Variants in SNX10 observed in about 807,000 individuals in gnomAD.
SNX10 encodes the protein sorting nexin-10.
In SNX10, 25 loss-of-function variants were observed where a neutral mutation model predicts 28.5. That is an observed-to-expected ratio of 0.88 (90% CI 0.64 to 1.22). The LOEUF is 1.22. SNX10 is among the 50% of genes most tolerant of loss of function. The pLI is 0.00. For missense variants in SNX10, 223 were observed against 242.6 expected (o/e 0.92, Z 0.54); for synonymous variants, 62 against 81.4 (o/e 0.76, Z 1.28).
rs147922524 is a variant in SNX10, at chr7:26,324,320, G to C, written c.-23-22100G>C. Among the ~76,000 whole-genome samples the C allele has an allele frequency of 2.0e-3, 307 of 152,270 alleles. 2 individuals carry two copies. Among genetic ancestry groups the C allele is most frequent in the African/African-American group, 7.1e-3 (295 of 41,564 alleles). On this transcript the variant is annotated intron_variant, in intron 1 of 6. Coordinates refer to ENST00000338523, the MANE Select transcript of SNX10 (RefSeq NM_013322.3). Reference sequence around the variant, plus strand: ...GTGATAATGATTGTTCATTGTGGTGGTTTATGGTTAAGGTGACCAGGAATA... The same window carrying C: ...GTGATAATGATTGTTCATTGTGGTGCTTTATGGTTAAGGTGACCAGGAATA...
rs1789646537 is a variant in SNX10, at chr7:26,373,232, T to A, written c.*660T>A. On this transcript the variant is annotated 3_prime_UTR_variant, in exon 7 of 7. Transcript: ENST00000338523. The surrounding 1 kb of genome is among the most constrained non-coding windows in gnomAD (Gnocchi z 4.2). ...TAGATAGTGCTAGTAATATTACTTA[T>A]AACTGTAATATATAGATTCAGAAAT... 4 of 152,140 alleles carry A rather than the reference T, an allele frequency of 2.6e-5. No individual in the cohort carries two copies. Among genetic ancestry groups the A allele is most frequent in the Admixed American group, 2.6e-4 (4 of 15,274 alleles). The allele number at this position is 152,140 out of a possible 1,614,324, so 9.4% of individuals were successfully genotyped here.
chr7:26,372,099 G>T, intron 6 of SNX10, 66 bp downstream of exon 6: 1 of 1,031,188 alleles, frequency 9.7e-7, no homozygotes, highest in Non-Finnish European at 1.4e-6. Context: ...ACATATGCAC[G>T]TGTATAGATA....
At chr7:26,358,181 G>A (rs1481087724) in intron 2 of SNX10, among the ~76,000 whole-genome samples, 1 of 151,166 alleles carries the variant, frequency 6.6e-6, no homozygotes, top group East Asian at 1.9e-4. Context: ...TGAATTTTGA[G>A]TGTGCATTTA....
intron 1 of SNX10, among the ~76,000 whole-genome samples, chr7:26,320,074 C>T (rs1455742937): frequency 4.0e-5 from 6 of 151,882 alleles, no homozygotes; most frequent in African/African-American, 1.5e-4. Flanking sequence ...CTCCACCTCC[C>T]GGGTTCAAGC....
intron 2 of SNX10, among the ~76,000 whole-genome samples, chr7:26,351,648 T>TTTG (rs1788603680): frequency 3.6e-5 from 3 of 83,480 alleles, no homozygotes; most frequent in African/African-American, 7.1e-5. Context: ...GCAGTCTGGT[T>TTTG]TTTTTTTTTT....
intron 1 of SNX10, among the ~76,000 whole-genome samples, chr7:26,330,383 A>C (rs577070229): frequency 1.3e-5 from 2 of 152,234 alleles, no homozygotes; most frequent in East Asian, 3.9e-4. Flanking sequence ...AACAGTGACC[A>C]GGACAATTTG....
chr7:26,338,092 T>C (rs919904041), intron 1 of SNX10, among the ~76,000 whole-genome samples: 2 of 151,008 alleles, frequency 1.3e-5, no homozygotes, highest in Admixed American at 6.6e-5. Flanking sequence ...TGGAGAAACG[T>C]CTATCAATTC....
intron 1 of SNX10, among the ~76,000 whole-genome samples, chr7:26,326,331 G>A (rs1787501959): frequency 6.6e-6 from 1 of 152,100 alleles, no homozygotes; most frequent in African/African-American, 2.4e-5. Context: ...CAATCATGTG[G>A]TCCTGGACTA....
chr7:26,372,793 T>C lies in SNX10; in HGVS notation c.*221T>C. The C allele has an allele frequency of 2.5e-6, 1 of 392,300 alleles. No homozygotes were observed. The highest frequency in any genetic ancestry group is 4.5e-6 in the Non-Finnish European group (1 of 219,792). 24.3% of individuals were successfully genotyped at this position (392,300 alleles called of 1,614,324 possible). A position where few individuals can be genotyped will look rare whatever the true frequency, so the allele number is the denominator to read the frequency against. On this transcript the variant is annotated 3_prime_UTR_variant, in exon 7 of 7. Transcript: ENST00000338523. ...AAATCCTGTGAATACAATACTATCC[T>C]TTACAGGCAGACATTATTGGTAAAC...
intron 1 of SNX10, among the ~76,000 whole-genome samples, chr7:26,321,467 C>T (rs908841576): frequency 1.1e-4 from 16 of 152,286 alleles, no homozygotes; most frequent in African/African-American, 3.4e-4. Context: ...TACAGGATCA[C>T]AAGATTAGCT....
At chr7:26,294,524 G>T (rs565271613) in intron 1 of SNX10, among the ~76,000 whole-genome samples, 7 of 152,260 alleles carry the variant, frequency 4.6e-5, no homozygotes, top group Admixed American at 1.3e-4. Context: ...TATGGGCCAG[G>T]CATTGTGAAA....
intron 2 of SNX10, among the ~76,000 whole-genome samples, chr7:26,353,319 G>T (rs760436287): frequency 7.3e-5 from 11 of 151,668 alleles, no homozygotes; most frequent in Non-Finnish European, 1.0e-4. Context: ...TATTCCTTTT[G>T]CCCTTCTATT....
intron 1 of SNX10, among the ~76,000 whole-genome samples, chr7:26,310,831 T>C (rs1322624812): frequency 9.2e-5 from 14 of 151,888 alleles, no homozygotes; most frequent in African/African-American, 1.5e-4. Context: ...TACAGGCGCC[T>C]GCCACCACGG....
At chr7:26,303,328 G>A (rs1245390766) in intron 1 of SNX10, among the ~76,000 whole-genome samples, 2 of 152,310 alleles carry the variant, frequency 1.3e-5, no homozygotes, top group Middle Eastern at 6.8e-3. Context: ...AAAAACTGAA[G>A]CTGCACTTTC....
chr7:26,355,571 G>T (rs1199622113), intron 2 of SNX10, among the ~76,000 whole-genome samples: 4 of 152,120 alleles, frequency 2.6e-5, no homozygotes, highest in Non-Finnish European at 5.9e-5. Flanking sequence ...CATTTAATAT[G>T]CACTTACTAT....
At chr7:26,361,803 T>G (rs1355125455) in intron 3 of SNX10, among the ~76,000 whole-genome samples, 1 of 152,254 alleles carries the variant, frequency 6.6e-6, no homozygotes, top group South Asian at 2.1e-4. Context: ...AATAAAACTT[T>G]ATGTGCAAAG....
intron 6 of SNX10, 121 bp downstream of exon 6, chr7:26,372,154 G>T (rs1789577193): frequency 1.5e-6 from 1 of 681,546 alleles, no homozygotes; most frequent in Admixed American, 3.1e-5. Context: ...CTAAGATAAT[G>T]AAAAAATTAA....
At chr7:26,342,933 A>G (rs756484259) in intron 1 of SNX10, among the ~76,000 whole-genome samples, 16 of 152,052 alleles carry the variant, frequency 1.1e-4, no homozygotes, top group Non-Finnish European at 2.1e-4. Context: ...CAGCCTCCCA[A>G]GTAGTAGCTG....
chr7:26,317,737 A>T (rs940135352), intron 1 of SNX10, among the ~76,000 whole-genome samples: 1 of 142,252 alleles, frequency 7.0e-6, no homozygotes, highest in Admixed American at 7.8e-5. Flanking sequence ...ATCTCGGCTC[A>T]CTGGAACCTC....
Sources: gnomAD v4.1 joint callset for allele counts (sites outside exome capture counted in the v4.1 genomes callset) on GRCh38, gnomAD v4.1.1 for gene constraint, Gnocchi (gnomAD v3.1) non-coding constraint, MANE v1.5 for transcripts, NCBI Gene and HGNC (gene_info 2026-07-23, HGNC 2026-07-21) for gene names.